The following TRPA1 variants were observed in gnomAD, a reference collection of about 807,000 sequenced individuals.
The protein encoded by TRPA1 is transient receptor potential cation channel subfamily A member 1, also known as ankyrin-like with transmembrane domains 1.
In TRPA1, 129 loss-of-function variants were observed where a neutral mutation model predicts 131.3. The ratio of observed to expected loss-of-function variants is 0.98; its 90% CI spans 0.85 to 1.14. TRPA1 has a LOEUF of 1.14. TRPA1 is among the 50% of genes most tolerant of loss of function. The pLI, the probability that TRPA1 is intolerant of heterozygous loss-of-function variation, is 0.00. For missense variants in TRPA1, 1,304 were observed against 1,354.2 expected (o/e 0.96, Z 0.58); for synonymous variants, 441 against 451.7 (o/e 0.98, Z 0.30).
chr8:72,070,011 ATTTCT>A (rs1806022486), intron 2 of TRPA1, among the ~76,000 whole-genome samples: 2 of 152,156 alleles, frequency 1.3e-5, no homozygotes, highest in Admixed American at 6.5e-5. Context: ...GTTTCCACAT[ATTTCT>A]GCAATACCAT....
chr8:72,050,637 A>C, intron 15 of TRPA1, 141 bp downstream of exon 15: 1 of 641,684 alleles, frequency 1.6e-6, no homozygotes. Flanking sequence ...CCTTCCTTAA[A>C]TAGTTATTGT....
Position 72,023,801 on chromosome 8 carries a change from G to A in TRPA1, c.3149+13C>T, listed in dbSNP as rs970106219. 2 of 1,435,246 alleles carry A rather than the reference G, an allele frequency of 1.4e-6. No individual in the cohort carries two copies. Among genetic ancestry groups the A allele is most frequent in the Non-Finnish European group, 2.0e-6 (2 of 1,018,208 alleles). The allele number at this position is 1,435,246 out of a possible 1,614,324, so 88.9% of individuals were successfully genotyped here. A position where few individuals can be genotyped will look rare whatever the true frequency, so the allele number is the denominator to read the frequency against. On this transcript the variant is annotated intron_variant, in intron 26 of 26. Transcript: ENST00000262209. ...TAAATTTCTCAAGTACAGATAGAAG[G>A]AAAAATACATACCGGTATTTCTGCT...
At chr8:72,055,976 A>T (rs1294379912) in intron 10 of TRPA1, 121 bp from the exon 11 acceptor site, 7 of 753,088 alleles carry the variant, frequency 9.3e-6, no homozygotes, top group Non-Finnish European at 1.4e-5. Flanking sequence ...TTGGGGCCAA[A>T]ATTGTAAATA....
At chr8:72,049,740 C>A in intron 15 of TRPA1, among the ~76,000 whole-genome samples, 1 of 152,106 alleles carries the variant, frequency 6.6e-6, no homozygotes, top group East Asian at 1.9e-4. Flanking sequence ...AAGAACCATG[C>A]CAGGCATAAG....
intron 23 of TRPA1, among the ~76,000 whole-genome samples, chr8:72,032,190 C>A (rs1041824715): frequency 1.3e-5 from 2 of 152,168 alleles, no homozygotes; most frequent in African/African-American, 4.8e-5. Flanking sequence ...TGGGTTTGGA[C>A]TGAATTAAAG....
intron 2 of TRPA1, among the ~76,000 whole-genome samples, chr8:72,069,640 G>A (rs1232146733): frequency 6.6e-6 from 1 of 152,040 alleles, no homozygotes; most frequent in African/African-American, 2.4e-5. Context: ...TTGAGGTCCA[G>A]AGAGGTTAAA....
At chr8:72,084,118 T>C in the TRPA1 span, among the ~76,000 whole-genome samples, 1 of 152,166 alleles carries the variant, frequency 6.6e-6, no homozygotes, top group Non-Finnish European at 1.5e-5. Flanking sequence ...GCTACAGAAC[T>C]GTTTAGGTTA....
chr8:72,061,636 G>A lies in TRPA1; in HGVS notation c.933C>T (p.Thr311=). Residue 311 remains threonine, a synonymous_variant, in exon 7 of 27, where the codon ACC becomes ACT. Transcript: ENST00000262209. ...GGTAGGAAACTTGCCTGTGAAGCATGGTCTCATGACATCCATCGGTTGTGT... is the reference window on the plus strand; with the variant it reads ...GGTAGGAAACTTGCCTGTGAAGCATAGTCTCATGACATCCATCGGTTGTGT... The part of the protein sequence containing the change: ...IVNTTDGCHE[T]MLHRASLFDH... 6.2e-7 allele frequency: 1 copy of A among 1,613,952 alleles called. No individual in the cohort carries two copies. Among genetic ancestry groups the A allele is most frequent in the South Asian group, 1.1e-5 (1 of 91,072 alleles).
At chr8:72,064,563 A>C (rs1805885126) in intron 4 of TRPA1, among the ~76,000 whole-genome samples, 1 of 152,034 alleles carries the variant, frequency 6.6e-6, no homozygotes, top group Admixed American at 6.6e-5. Flanking sequence ...TTGTGGTCCA[A>C]TCATGACAGC....
Position 72,025,990 on chromosome 8 carries a change from G to C in TRPA1, c.3021C>G (p.Pro1007=), listed in dbSNP as rs1401486253. 1 of 1,613,884 alleles carries C rather than the reference G, an allele frequency of 6.2e-7. No homozygotes were observed. Among genetic ancestry groups the C allele is most frequent in the South Asian group, 1.1e-5 (1 of 91,078 alleles). The change falls in exon 25 of 27, where the codon CCC becomes CCG. Residue 1007 remains proline, a synonymous_variant. Coordinates refer to ENST00000262209, the MANE Select transcript of TRPA1 (RefSeq NM_007332.3). ...ACATCCCACCAGATCTGGGTTTGTT[G>C]GGATACACGATGGTGGATTTCTGAT... ...KVDQKSTIVY[P]NKPRSGGMLF...
chr8:72,055,459 C>A lies in TRPA1; in HGVS notation c.1506G>T (p.Leu502=), dbSNP rs781460633. Residue 502 remains leucine (L), a synonymous_variant, in exon 12 of 27, where the codon CTG becomes CTT. Coordinates refer to ENST00000262209, the MANE Select transcript of TRPA1 (RefSeq NM_007332.3). The part of the protein sequence containing the change: ...NGHDKVVQLL[L]KKGALFLSDH... ...ACCTGAGAAACAATGCACCTTTTTT[C>A]AGAAGAAGCTGAACTACTTTATCAT... 6 of 1,612,934 alleles carry A rather than the reference C, an allele frequency of 3.7e-6. No individual in the cohort carries two copies. The highest frequency in any genetic ancestry group is 5.1e-6 in the Non-Finnish European group (6 of 1,179,198).
rs371476875 is a variant in TRPA1 at position 72,052,669 on chromosome 8, C to T, written c.1741G>A (p.Ala581Thr). Residue 581 changes from alanine (A) to threonine (T), a missense_variant, in exon 14 of 27, where the codon GCC becomes ACC. Ala to Thr is a moderately conservative substitution (Grantham distance 58, BLOSUM62 0). Coordinates refer to ENST00000262209, the MANE Select transcript of TRPA1 (RefSeq NM_007332.3). ...TGAAGTGCAAGGTGCAAAAAGGAGG[C>T]CTGCTGCTTGTTCAGGACTATGTCA... ...NADIVLNKQQ[A>T]SFLHLALHNK... is the part of the protein sequence containing the mutation. The T allele has an allele frequency of 6.2e-7, 1 of 1,613,790 alleles. No individual in the cohort carries two copies. Among genetic ancestry groups the T allele is most frequent in the South Asian group, 1.1e-5 (1 of 91,070 alleles).
intron 3 of TRPA1, 39 bp downstream of exon 3, chr8:72,068,984 C>A: frequency 6.2e-7 from 1 of 1,612,784 alleles, no homozygotes; most frequent in Non-Finnish European, 8.5e-7. Flanking sequence ...AGCACCTGCA[C>A]CGCCGGTCAG....
In TRPA1 at chr8:72,021,921, A is replaced by T. The variant is rs552065019; in HGVS notation, c.*985T>A. 1 of 152,190 alleles carries T rather than the reference A, an allele frequency of 6.6e-6. No individual in the cohort carries two copies. The highest frequency in any genetic ancestry group is 1.5e-5 in the Non-Finnish European group (1 of 68,028). 9.4% of individuals were successfully genotyped at this position (152,190 alleles called of 1,614,324 possible). A position where few individuals can be genotyped will look rare whatever the true frequency, so the allele number is the denominator to read the frequency against. On this transcript the variant is annotated 3_prime_UTR_variant, in exon 27 of 27. Coordinates refer to ENST00000262209, the MANE Select transcript of TRPA1 (RefSeq NM_007332.3). ...ATAACATCTGTGTAAATAATAACAG[A>T]CTCAAAACAACACTGTACAACATAA...
intron 7 of TRPA1, chr8:72,060,284 A>G (rs1054875680): frequency 2.0e-5 from 3 of 152,228 alleles, no homozygotes; most frequent in African/African-American, 7.2e-5. Context: ...TTGGGTTTGT[A>G]AATTGGTGAA....
At chr8:72,061,928 G>A (rs1805819512) in intron 6 of TRPA1, among the ~76,000 whole-genome samples, 167 bp from the exon 7 acceptor site, 1 of 152,090 alleles carries the variant, frequency 6.6e-6, no homozygotes. Context: ...TGATTTTATG[G>A]ACCTGCAAAG....
At chr8:72,026,453 C>T (rs1270199651) in intron 24 of TRPA1, among the ~76,000 whole-genome samples, 1 of 152,216 alleles carries the variant, frequency 6.6e-6, no homozygotes, top group Non-Finnish European at 1.5e-5. Context: ...TGCAATACTA[C>T]AAAATGTGCA....
chr8:72,047,303 C>G (rs925024589), intron 15 of TRPA1, 96 bp from the exon 16 acceptor site: 8 of 871,516 alleles, frequency 9.2e-6, no homozygotes, highest in African/African-American at 1.7e-5. Flanking sequence ...AAGACATTCC[C>G]TTTCCTTTCC....
At chr8:72,078,771 C>G (rs754269091), upstream of TRPA1, among the ~76,000 whole-genome samples, 12 of 151,898 alleles carry the variant, frequency 7.9e-5, no homozygotes, top group African/African-American at 2.9e-4. Flanking sequence ...TAGAGAGATA[C>G]CTAGTAGTGG....
Sources: gnomAD v4.1 joint callset for allele counts (sites outside exome capture counted in the v4.1 genomes callset) on GRCh38, gnomAD v4.1.1 for gene constraint, MANE v1.5 for transcripts, NCBI Gene and HGNC (gene_info 2026-07-23, HGNC 2026-07-21) for gene names.